The following ANKRD44 variants were observed in gnomAD, a reference collection of about 807,000 sequenced individuals.
ANKRD44 encodes ankyrin repeat domain 44.
In ANKRD44, 35 loss-of-function variants were observed where a neutral mutation model predicts 116.0. The ratio of observed to expected loss-of-function variants is 0.30; its 90% CI spans 0.23 to 0.40. The LOEUF is 0.40. ANKRD44 is among the 10% of genes least tolerant of loss of function. The pLI is 1.00. For missense variants in ANKRD44, 1,014 were observed against 1,242.6 expected (o/e 0.82, Z 2.77); for synonymous variants, 435 against 461.8 (o/e 0.94, Z 0.74).
intron 1 of ANKRD44, among the ~76,000 whole-genome samples, chr2:197,219,605 T>C (rs2081538668): frequency 6.6e-6 from 1 of 152,132 alleles, no homozygotes; most frequent in African/African-American, 2.4e-5. Context: ...GTTTTAAAAA[T>C]GATAAATAAA....
chr2:197,013,613 C>T lies in ANKRD44; in HGVS notation c.1822G>A (p.Ala608Thr). The T allele has an allele frequency of 6.2e-7, 1 of 1,614,130 alleles. No individual in the cohort carries two copies. Residue 608 changes from alanine (A) to threonine (T), a missense_variant, in exon 18 of 28, where the codon GCC (alanine) becomes ACC (threonine). Ala to Thr is a moderately conservative substitution (Grantham distance 58). Coordinates refer to ENST00000282272, the MANE Select transcript of ANKRD44 (RefSeq NM_001195144.2). ...EKGRTALDLA[A>T]FKGHTECVEA... ...ACACATTCTGTGTGTCCTTTAAAGGCAGCCAGATCCAGAGCAGTGCGGCCT... is the reference window on the plus strand; with the variant it reads ...ACACATTCTGTGTGTCCTTTAAAGGTAGCCAGATCCAGAGCAGTGCGGCCT...
At chr2:197,237,559 T>G (rs899009465) in intron 1 of ANKRD44, among the ~76,000 whole-genome samples, 1 of 152,204 alleles carries the variant, frequency 6.6e-6, no homozygotes, top group Non-Finnish European at 1.5e-5. Context: ...GTGTGATGTC[T>G]GTAATGCCGG....
At chr2:197,256,147 T>C (rs893269578) in intron 1 of ANKRD44, among the ~76,000 whole-genome samples, 1 of 152,234 alleles carries the variant, frequency 6.6e-6, no homozygotes, top group African/African-American at 2.4e-5. Context: ...CATTTTCATT[T>C]AATGCTCTAG....
In ANKRD44 at chr2:197,224,355, G is replaced by C. The variant is rs186784585; in HGVS notation, c.28-37249C>G. On this transcript the variant is annotated intron_variant, in intron 1 of 27. Coordinates refer to ENST00000282272, the MANE Select transcript of ANKRD44 (RefSeq NM_001195144.2). ...TAAATATAATAATTTTAATGATACAGCATTTAAAATTATGTAATCTTTTAG... is the reference window on the plus strand; with the variant it reads ...TAAATATAATAATTTTAATGATACACCATTTAAAATTATGTAATCTTTTAG... Among the ~76,000 whole-genome samples, 30 of 152,278 alleles carry C rather than the reference G, an allele frequency of 2.0e-4. No homozygotes were observed. The East Asian group carries it at 4.4e-3, about 23-fold the overall frequency.
At chr2:196,972,718 T>G (rs1037873354) in intron 21 of ANKRD44, among the ~76,000 whole-genome samples, 1 of 152,196 alleles carries the variant, frequency 6.6e-6, no homozygotes, top group Non-Finnish European at 1.5e-5. Flanking sequence ...CTCTTTTGAT[T>G]AGGATTTTTT....
At chr2:197,062,286 C>A (rs1231549087) in intron 16 of ANKRD44, among the ~76,000 whole-genome samples, 2 of 152,282 alleles carry the variant, frequency 1.3e-5, no homozygotes, top group African/African-American at 4.8e-5. Context: ...CTAGCCCTAT[C>A]CAGAGGACAG....
intron 16 of ANKRD44, chr2:197,028,794 C>CT: frequency 9.2e-6 from 2 of 216,540 alleles, no homozygotes; most frequent in South Asian, 6.6e-5. Flanking sequence ...GTAGTGCTGC[C>CT]TTTTTTCCCA....
chr2:197,139,570 T>A (rs985119448), intron 3 of ANKRD44, among the ~76,000 whole-genome samples: 1 of 151,892 alleles, frequency 6.6e-6, no homozygotes, highest in African/African-American at 2.4e-5. Flanking sequence ...AGGAATGAAG[T>A]AAGAGTACCC....
chr2:197,145,313 A>AAAT lies in ANKRD44; in HGVS notation c.190+1713_190+1714insATT, dbSNP rs1188498102. Among the ~76,000 whole-genome samples the AAAT allele has an allele frequency of 8.3e-5, 9 of 108,304 alleles. No homozygotes were observed. The East Asian group carries it at 8.8e-4, about 11-fold the overall frequency. 71.1% of individuals were successfully genotyped at this position (108,304 alleles called of 152,430 possible). On this transcript the variant is annotated intron_variant, in intron 3 of 27. Transcript: ENST00000282272. ...CTCAAAAATAAATAAATAAATAAAT[A>AAAT]AAATAAAATACAAAATAAAAAAGAG...
chr2:196,979,307 C>T (rs1261728579), intron 21 of ANKRD44, among the ~76,000 whole-genome samples: 3 of 142,946 alleles, frequency 2.1e-5, no homozygotes, highest in African/African-American at 7.9e-5. Flanking sequence ...GGCGTGAACC[C>T]GGGAGGCGGA....
chr2:197,197,283 T>C (rs1430234330), intron 1 of ANKRD44, among the ~76,000 whole-genome samples: 1 of 151,948 alleles, frequency 6.6e-6, no homozygotes, highest in East Asian at 1.9e-4. Context: ...CTGGAAAACA[T>C]TCGATAATAT....
At chr2:197,081,975 A>G (rs2077808294) in intron 14 of ANKRD44, among the ~76,000 whole-genome samples, 1 of 152,188 alleles carries the variant, frequency 6.6e-6, no homozygotes, top group Non-Finnish European at 1.5e-5. Flanking sequence ...TTAAGGTAAC[A>G]ATCAAGTTGC....
At chr2:197,152,876 G>C (rs551608980) in intron 2 of ANKRD44, among the ~76,000 whole-genome samples, 11 of 152,192 alleles carry the variant, frequency 7.2e-5, no homozygotes, top group Admixed American at 2.6e-4. Context: ...TACATACCAA[G>C]ACAGAAAGAT....
At chr2:197,069,177 T>C (rs2077507018) in intron 16 of ANKRD44, among the ~76,000 whole-genome samples, 1 of 151,844 alleles carries the variant, frequency 6.6e-6, no homozygotes, top group Non-Finnish European at 1.5e-5. Flanking sequence ...AAACCATCAT[T>C]CTCCACAAAC....
Position 197,120,230 on chromosome 2 carries a change from T to G in ANKRD44, c.906+1102A>C, listed in dbSNP as rs373285772. 2.0e-5 allele frequency among the ~76,000 whole-genome samples: 3 copies of G among 152,216 alleles called. No individual in the cohort carries two copies. The East Asian group carries it at 5.8e-4, about 29-fold the overall frequency. On this transcript the variant is annotated intron_variant, in intron 8 of 27. Coordinates refer to ENST00000282272, the MANE Select transcript of ANKRD44 (RefSeq NM_001195144.2). ...TTAAAGGCAGAGACTGAATCTCATC[T>G]TAGAGCACTCTTTCAGTACCAAACA...
chr2:197,251,958 G>A (rs1051313420), intron 1 of ANKRD44, among the ~76,000 whole-genome samples: 3 of 152,048 alleles, frequency 2.0e-5, no homozygotes, highest in Non-Finnish European at 4.4e-5. Flanking sequence ...TAATATTAAC[G>A]TTTATGCATC....
intron 2 of ANKRD44, among the ~76,000 whole-genome samples, chr2:197,151,542 GA>G (rs1357293122): frequency 6.6e-6 from 1 of 152,162 alleles, no homozygotes; most frequent in Non-Finnish European, 1.5e-5. Context: ...TTTGGTCTAA[GA>G]GGGATCAAAC....
chr2:197,091,205 C>T (rs752247839), intron 10 of ANKRD44, among the ~76,000 whole-genome samples: 1 of 152,178 alleles, frequency 6.6e-6, no homozygotes, highest in Non-Finnish European at 1.5e-5. Flanking sequence ...TGCAGGCACC[C>T]CCGCCTGGAT....
chr2:196,991,032 T>G (rs913375612), intron 27 of ANKRD44: 19 of 1,037,248 alleles, frequency 1.8e-5, no homozygotes, highest in Middle Eastern at 3.5e-4. Flanking sequence ...GAGATGTATG[T>G]TGAGTTAGAA....
Sources: gnomAD v4.1 joint callset for allele counts (sites outside exome capture counted in the v4.1 genomes callset) on GRCh38, gnomAD v4.1.1 for gene constraint, MANE v1.5 for transcripts, NCBI Gene and HGNC (gene_info 2026-07-23, HGNC 2026-07-21) for gene names.